Variants in CACNA1H observed in about 807,000 individuals in gnomAD.
CACNA1H encodes the protein voltage-dependent T-type calcium channel subunit alpha-1H.
CACNA1H carries 149 observed loss-of-function variants against 192.5 expected under a neutral mutation model. That is an observed-to-expected ratio of 0.77 (90% CI 0.68 to 0.89). The LOEUF (loss-of-function observed/expected upper bound fraction) is 0.89, where lower values mean the gene tolerates loss of function less well. Among genes scored for constraint, CACNA1H ranks in the 40% least tolerant of loss-of-function variants. The pLI is 0.00. For synonymous variants in CACNA1H, 2,202 were observed against 1,475.2 expected (o/e 1.49, Z -11.29); for missense variants, 4,257 against 3,423.5 (o/e 1.24, Z -6.08).
Position 1,221,590 on chromosome 16 carries a change from C to T in CACNA1H, c.*596C>T, listed in dbSNP as rs1164901481. 7 of 610,514 alleles carry T rather than the reference C, an allele frequency of 1.1e-5. No individual in the cohort carries two copies. The highest frequency in any genetic ancestry group is 3.3e-5 in the Admixed American group (1 of 29,966). The allele number at this position is 610,514 out of a possible 1,614,324, so 37.8% of individuals were successfully genotyped here. On this transcript the variant is annotated 3_prime_UTR_variant, in exon 35 of 35. Transcript: ENST00000348261. ...CCCCATGGAGTAACGCGCCCGGCCCCGATGCGAATCAGGCCTCCCCTACAT... is the reference window on the plus strand; with the variant it reads ...CCCCATGGAGTAACGCGCCCGGCCCTGATGCGAATCAGGCCTCCCCTACAT...
chr16:1,195,886 G>A, intron 4 of CACNA1H, 40 bp from the exon 5 acceptor site: 2 of 1,512,406 alleles, frequency 1.3e-6, no homozygotes, highest in Non-Finnish European at 1.8e-6. Flanking sequence ...GGACCACCTG[G>A]GCTCCTTGTT....
chr16:1,197,548 A>G (rs2141212867), intron 5 of CACNA1H, among the ~76,000 whole-genome samples: 1 of 152,324 alleles, frequency 6.6e-6, no homozygotes, highest in African/African-American at 2.4e-5. Context: ...TCTCATAATG[A>G]GGACACGCTC....
chr16:1,211,099 G>A (rs1309630374), intron 21 of CACNA1H, 69 bp from the exon 22 acceptor site: 5 of 1,585,490 alleles, frequency 3.2e-6, no homozygotes, highest in African/African-American at 1.3e-5. Flanking sequence ...TGGGACCTTT[G>A]CTGAGCTCTG....
Position 1,185,760 on chromosome 16 carries a change from G to A in CACNA1H, c.300-9212G>A, listed in dbSNP as rs867267831. Among the ~76,000 whole-genome samples the A allele has an allele frequency of 4.1e-4, 16 of 39,128 alleles. 1 individual carries two copies. Among genetic ancestry groups the A allele is most frequent in the African/African-American group, 1.4e-3 (9 of 6,326 alleles). 25.7% of individuals were successfully genotyped at this position (39,128 alleles called of 152,430 possible). ...TACGTGGGCAGGTGAGTAGACGGTC[G>A]GCGTGCGTAGGGGCCGGAGGCGGGG... On this transcript the variant is annotated intron_variant, in intron 2 of 34. Coordinates refer to ENST00000348261, the MANE Select transcript of CACNA1H (RefSeq NM_021098.3).
chr16:1,212,131 G>A lies in CACNA1H; in HGVS notation c.4752G>A (p.Arg1584=). 1 of 1,605,704 alleles carries A rather than the reference G, an allele frequency of 6.2e-7. No individual in the cohort carries two copies. The highest frequency in any genetic ancestry group is 1.3e-5 in the African/African-American group (1 of 74,980). Residue 1584 remains arginine (R), a synonymous_variant, in exon 25 of 35, where the codon AGG becomes AGA. Transcript: ENST00000348261. ...EEKRLRRLER[R]RRSTFPSPEA... ...AGCGGCTGCGGCGCCTAGAGAGGAG[G>A]CGCAGGAGTAAGGCGCTCCCGGTGG...
Position 1,220,948 on chromosome 16 carries a change from C to T in CACNA1H, c.7016C>T (p.Pro2339Leu), listed in dbSNP as rs920993190. 2.5e-6 allele frequency: 4 copies of T among 1,606,686 alleles called. No homozygotes were observed. Among genetic ancestry groups the T allele is most frequent in the East Asian group, 4.5e-5 (2 of 44,756 alleles). Residue 2339 changes from proline to leucine, a missense_variant, in exon 35 of 35, where the codon CCC (proline) becomes CTC (leucine). Coordinates refer to ENST00000348261, the MANE Select transcript of CACNA1H (RefSeq NM_021098.3). ...TGTCCTCTGGAGAAACCAGGGTCCCCCTCAGCCACCCCTGCCCCAGGGGGT... is the reference window on the plus strand; with the variant it reads ...TGTCCTCTGGAGAAACCAGGGTCCCTCTCAGCCACCCCTGCCCCAGGGGGT... ...PQCPLEKPGS[P>L]SATPAPGGGA...
chr16:1,210,536 A>G (rs1367393911), intron 19 of CACNA1H, 43 bp downstream of exon 19: 3 of 1,610,326 alleles, frequency 1.9e-6, no homozygotes, highest in Non-Finnish European at 1.7e-6. Flanking sequence ...CACGACCCCC[A>G]GGGAGGGGTG....
Position 1,195,305 on chromosome 16 carries a change from CAG to C in CACNA1H, c.412-126_412-125del, listed in dbSNP as rs897297856. 7,209 of 1,010,968 alleles carry C rather than the reference CAG, an allele frequency of 7.1e-3. 28 individuals carry two copies. Among genetic ancestry groups the C allele is most frequent in the Admixed American group, 9.8e-3 (293 of 29,836 alleles). 62.6% of individuals were successfully genotyped at this position (1,010,968 alleles called of 1,614,324 possible). A position where few individuals can be genotyped will look rare whatever the true frequency, so the allele number is the denominator to read the frequency against. On this transcript the variant is annotated intron_variant, in intron 3 of 34. Coordinates refer to ENST00000348261, the MANE Select transcript of CACNA1H (RefSeq NM_021098.3). The stretch of plus-strand genomic sequence containing the variant: ...GAGGCAGGGCTCAGTTCCTGGGGCT[CAG>C]GGCGGGGCAGGGGCGGGGCGAGGGG...
chr16:1,190,296 T>C (rs1260330826), intron 2 of CACNA1H, among the ~76,000 whole-genome samples: 2 of 152,268 alleles, frequency 1.3e-5, no homozygotes, highest in Non-Finnish European at 1.5e-5. Context: ...TCTAAAGGAA[T>C]TTTTAATTAA....
intron 2 of CACNA1H, among the ~76,000 whole-genome samples, chr16:1,186,952 C>A (rs1010794319): frequency 3.5e-4 from 53 of 152,294 alleles, no homozygotes; most frequent in African/African-American, 1.2e-3. Flanking sequence ...TCCCGGGGAT[C>A]TCCTGTACCA....
At chr16:1,202,939 T>TTCTCCTATGCGGGGCCTGGGCC (rs1332329704) in intron 9 of CACNA1H, among the ~76,000 whole-genome samples, 22 of 149,450 alleles carry the variant, frequency 1.5e-4, no homozygotes, top group African/African-American at 5.5e-4. Context: ...TGGCGTGGGG[T>TTCTCCTATGCGGGGCCTGGGCC]TCTCCTATGC....
chr16:1,174,311 C>G (rs1964653468), intron 2 of CACNA1H, among the ~76,000 whole-genome samples: 1 of 152,202 alleles, frequency 6.6e-6, no homozygotes, highest in African/African-American at 2.4e-5. Context: ...CTGGAGCGCA[C>G]CCTTGGTGGG....
Position 1,198,689 on chromosome 16 carries a change from GTCT to G in CACNA1H, c.724_726del (p.Phe242del), listed in dbSNP as rs748582978. ...GAACGTCCTTCTGCTGTGCTTCTTCGTCTTCTTCATTTTCGGCATCGTTGGCGT... is the reference window on the plus strand; with the variant it reads ...GAACGTCCTTCTGCTGTGCTTCTTCGTCTTCATTTTCGGCATCGTTGGCGT... On this transcript the variant is annotated inframe_deletion, in exon 6 of 35. Coordinates refer to ENST00000348261, the MANE Select transcript of CACNA1H (RefSeq NM_021098.3). 5 of 1,613,384 alleles carry G rather than the reference GTCT, an allele frequency of 3.1e-6. No homozygotes were observed. Among genetic ancestry groups the G allele is most frequent in the East Asian group, 4.5e-5 (2 of 44,892 alleles).
At chr16:1,185,506 C>CA (rs147589604) in intron 2 of CACNA1H, among the ~76,000 whole-genome samples, 4,102 of 146,510 alleles carry the variant, frequency 0.028, 197 homozygotes, top group African/African-American at 0.075. Context: ...CAGAGTCCCC[C>CA]CCCCCGCCGA....
At chr16:1,170,113 T>TG (rs1263854546) in intron 2 of CACNA1H, among the ~76,000 whole-genome samples, 1 of 152,144 alleles carries the variant, frequency 6.6e-6, no homozygotes, top group East Asian at 1.9e-4. Flanking sequence ...TCCCAGCAGC[T>TG]GGGGGGTGCA....
chr16:1,211,619 G>A lies in CACNA1H; in HGVS notation c.4476+13G>A. ...CAACCTGGGCCAGGTGGGCTGGGCG[G>A]CCGGGCGGGAGCTGGGGGTCTCCAG... On this transcript the variant is annotated intron_variant, in intron 23 of 34. Coordinates refer to ENST00000348261, the MANE Select transcript of CACNA1H (RefSeq NM_021098.3). 6.2e-7 allele frequency: 1 copy of A among 1,609,004 alleles called. No individual in the cohort carries two copies. The highest frequency in any genetic ancestry group is 8.5e-7 in the Non-Finnish European group (1 of 1,177,866).
intron 2 of CACNA1H, among the ~76,000 whole-genome samples, chr16:1,174,090 G>A (rs1179524554): frequency 6.6e-6 from 1 of 152,204 alleles, no homozygotes; most frequent in Admixed American, 6.5e-5. Flanking sequence ...CACCTAGCTG[G>A]CCTCACAGTC....
At chr16:1,168,149 C>G (rs1371566375) in intron 2 of CACNA1H, among the ~76,000 whole-genome samples, 4 of 152,060 alleles carry the variant, frequency 2.6e-5, no homozygotes, top group Non-Finnish European at 5.9e-5. Flanking sequence ...CCAGGGCGGC[C>G]TCTGGTGCCC....
Position 1,219,113 on chromosome 16 carries a change from C to T in CACNA1H, c.6031C>T (p.Arg2011Trp), listed in dbSNP as rs753241781. 236 of 1,543,066 alleles carry T rather than the reference C, an allele frequency of 1.5e-4. No individual in the cohort carries two copies. Among genetic ancestry groups the T allele is most frequent in the Admixed American group, 2.6e-4 (13 of 50,668 alleles). ...CACAGCCCGCTCCCCCAGTCTCAGC[C>T]GGCTGCTCTGCAGACAGGTAGGAGA... ...RGTARSPSLSRLLCRQEAVHT... is the reference protein window; with the variant it reads ...RGTARSPSLSWLLCRQEAVHT... Residue 2011 changes from arginine to tryptophan, a missense_variant, in exon 34 of 35, where the codon CGG becomes TGG. Arg to Trp is a moderately radical substitution (Grantham distance 101). Coordinates refer to ENST00000348261, the MANE Select transcript of CACNA1H (RefSeq NM_021098.3).
Sources: allele counts gnomAD v4.1 joint callset (sites outside exome capture counted in the v4.1 genomes callset), GRCh38; gene constraint gnomAD v4.1.1; transcripts MANE v1.5; gene names NCBI Gene and HGNC (gene_info 2026-07-23, HGNC 2026-07-21).